Variants in MYLK3 observed in about 807,000 individuals in gnomAD.
The protein encoded by MYLK3 is myosin light chain kinase 3, also known as MLC kinase.
In MYLK3, 55 loss-of-function variants were observed where a neutral mutation model predicts 76.3. The observed-to-expected ratio is 0.72, with a 90% CI of 0.58 to 0.90. The LOEUF (loss-of-function observed/expected upper bound fraction) is 0.90, where lower values mean the gene tolerates loss of function less well. MYLK3 is among the 40% of genes least tolerant of loss of function. The probability of loss-of-function intolerance (pLI) is 0.00; values close to 1 mark genes in which losing one functional copy is unlikely to be tolerated. For missense variants in MYLK3, 973 were observed against 1,053.6 expected (o/e 0.92, Z 1.06); for synonymous variants, 416 against 425.4 (o/e 0.98, Z 0.27).
At chr16:46,740,599 T>C (rs989889011) in intron 1 of MYLK3, among the ~76,000 whole-genome samples, 1 of 147,802 alleles carries the variant, frequency 6.8e-6, no homozygotes, top group African/African-American at 2.5e-5. Context: ...TCATCCAGGC[T>C]GCAGTGCAGT....
At position 46,723,500 on chromosome 16, in the gene MYLK3, G is replaced by T. The variant is rs186263042; in HGVS notation, c.1915-2307C>A. ...CAACTTATGTTTTAATTCTCTTAGG[G>T]GTATAGCTAGGAGTAAAATTGCTGG... On this transcript the variant is annotated intron_variant, in intron 8 of 12. Coordinates refer to ENST00000394809, the MANE Select transcript of MYLK3 (RefSeq NM_182493.3). 1.9e-4 allele frequency among the ~76,000 whole-genome samples: 29 copies of T among 152,194 alleles called. 1 individual carries two copies. Among genetic ancestry groups the T allele is most frequent in the Admixed American group, 1.3e-4 (2 of 15,284 alleles).
At chr16:46,723,482 T>C (rs989686726) in intron 8 of MYLK3, among the ~76,000 whole-genome samples, 1 of 152,244 alleles carries the variant, frequency 6.6e-6, no homozygotes, top group African/African-American at 2.4e-5. Flanking sequence ...TGTCAACTTA[T>C]GTTTTAATTC....
At chr16:46,720,956 G>A (rs953773618) in intron 9 of MYLK3, among the ~76,000 whole-genome samples, 167 bp downstream of exon 9, 1 of 152,144 alleles carries the variant, frequency 6.6e-6, no homozygotes, top group Non-Finnish European at 1.5e-5. Flanking sequence ...CCATGCAAGA[G>A]CAACAAGGCC....
chr16:46,729,249 C>T (rs2143014657), intron 6 of MYLK3, 116 bp from the exon 7 acceptor site: 7 of 794,776 alleles, frequency 8.8e-6, no homozygotes, highest in Middle Eastern at 4.6e-4. Flanking sequence ...CCTATTCTCA[C>T]ACCAGGTCTC....
chr16:46,710,268 C>A (rs931291929), intron 11 of MYLK3, among the ~76,000 whole-genome samples: 2 of 152,190 alleles, frequency 1.3e-5, no homozygotes, highest in African/African-American at 4.8e-5. Flanking sequence ...GATATAGACG[C>A]TGAAGCCTAA....
chr16:46,755,533 T>C (rs954524947), intron 1 of MYLK3, among the ~76,000 whole-genome samples: 11 of 151,588 alleles, frequency 7.3e-5, no homozygotes, highest in African/African-American at 2.7e-4. Flanking sequence ...TCAAGAGTGT[T>C]CAACAGGAAC....
Position 46,732,455 on chromosome 16 carries a change from C to T in MYLK3, c.1215G>A (p.Glu405=), listed in dbSNP as rs1038344115. The change falls in exon 4 of 13, where the codon GAG becomes GAA. Residue 405 remains glutamate, a synonymous_variant. Transcript: ENST00000394809. Reference sequence around the variant, plus strand: ...CCTTCACTCCCCCGGGGCTGCTGCTCTCCTGCAGCGGGGAGAGCTCTCTGG... The same window carrying T: ...CCTTCACTCCCCCGGGGCTGCTGCTTTCCTGCAGCGGGGAGAGCTCTCTGG... ...EGARELSPLQ[E]SSSPGGVKAE... 1 of 1,612,146 alleles carries T rather than the reference C, an allele frequency of 6.2e-7. No individual in the cohort carries two copies. The highest frequency in any genetic ancestry group is 8.5e-7 in the Non-Finnish European group (1 of 1,180,006).
intron 1 of MYLK3, among the ~76,000 whole-genome samples, chr16:46,747,043 C>T (rs1246148110): frequency 6.6e-6 from 1 of 152,182 alleles, no homozygotes; most frequent in African/African-American, 2.4e-5. Context: ...TGCTAAGTGG[C>T]TGACCCCTAG....
At chr16:46,760,238 T>A (rs1967259367) in intron 1 of MYLK3, among the ~76,000 whole-genome samples, 1 of 152,202 alleles carries the variant, frequency 6.6e-6, no homozygotes, top group Non-Finnish European at 1.5e-5. Context: ...GGGGCCTGTG[T>A]TCACTGTGGA....
intron 11 of MYLK3, among the ~76,000 whole-genome samples, chr16:46,709,933 G>A (rs1316713717): frequency 6.6e-6 from 1 of 152,202 alleles, no homozygotes; most frequent in African/African-American, 2.4e-5. Flanking sequence ...CCCAGAGGGG[G>A]CTGAGAAGTT....
At chr16:46,748,400 C>G, upstream of MYLK3, 1 of 932,520 alleles carries the variant, frequency 1.1e-6, no homozygotes, top group Non-Finnish European at 1.5e-6. This position sits in a 1 kb window ranked among gnomAD's most constrained non-coding sequence, Gnocchi z 4.3. Flanking sequence ...ATCTCCCACC[C>G]TACACGGGCC....
chr16:46,727,514 C>A (rs1159985103), intron 7 of MYLK3, 137 bp from the exon 8 acceptor site: 4 of 952,444 alleles, frequency 4.2e-6, no homozygotes, highest in Non-Finnish European at 6.0e-6. Context: ...GCTGCTGCCA[C>A]TGCCCTTGGG....
upstream of MYLK3, among the ~76,000 whole-genome samples, chr16:46,748,511 A>G (rs1967070630): frequency 1.3e-5 from 2 of 152,198 alleles, no homozygotes; most frequent in African/African-American, 4.8e-5. This position sits in a 1 kb window ranked among gnomAD's most constrained non-coding sequence, Gnocchi z 4.3. Flanking sequence ...GCTGATGGGC[A>G]AATATGTTAA....
intron 10 of MYLK3, among the ~76,000 whole-genome samples, chr16:46,711,319 C>A (rs1056227215): frequency 6.6e-6 from 1 of 152,112 alleles, no homozygotes; most frequent in East Asian, 1.9e-4. Flanking sequence ...AGGGACAGTG[C>A]GCAGCAGTTA....
At position 46,712,883 on chromosome 16, in the gene MYLK3, A is replaced by G; in HGVS notation, c.1986-107T>C. ...AGACATTCCCCACTTCCCATCAGCCATATGGCCTGGACTCCACACCCACAT... is the reference window on the plus strand; with the variant it reads ...AGACATTCCCCACTTCCCATCAGCCGTATGGCCTGGACTCCACACCCACAT... On this transcript the variant is annotated intron_variant, in intron 9 of 12. Coordinates refer to ENST00000394809, the MANE Select transcript of MYLK3 (RefSeq NM_182493.3). 3.4e-6 allele frequency: 4 copies of G among 1,192,650 alleles called. No homozygotes were observed. In the South Asian group the frequency reaches 7.6e-5, roughly 23 times the overall value. The allele number at this position is 1,192,650 out of a possible 1,614,324, so 73.9% of individuals were successfully genotyped here.
intron 6 of MYLK3, 21 bp from the exon 7 acceptor site, chr16:46,729,154 G>A (rs932546617): frequency 1.9e-6 from 3 of 1,592,628 alleles, no homozygotes; most frequent in Admixed American, 1.7e-5. Flanking sequence ...CCAGAGGACA[G>A]AAGGATTTCC....
At chr16:46,742,054 T>C (rs1966940158) in intron 1 of MYLK3, among the ~76,000 whole-genome samples, 1 of 152,188 alleles carries the variant, frequency 6.6e-6, no homozygotes. Context: ...AGGATCCATT[T>C]TGGGGTGACA....
chr16:46,706,197 C>G lies in MYLK3; in HGVS notation c.*1507G>C, dbSNP rs1387757552. On this transcript the variant is annotated 3_prime_UTR_variant, in exon 13 of 13. Transcript: ENST00000394809. ...AATAGCCTAATGTTGACTGGAAGCC[C>G]TATCAATAATATAAACAGTCAGTTA... 2 of 151,754 alleles carry G rather than the reference C, an allele frequency of 1.3e-5. No individual in the cohort carries two copies. Among genetic ancestry groups the G allele is most frequent in the African/African-American group, 4.8e-5 (2 of 41,256 alleles). 9.4% of individuals were successfully genotyped at this position (151,754 alleles called of 1,614,324 possible).
At chr16:46,737,674 T>A (rs368050396) in intron 3 of MYLK3, 37 bp downstream of exon 3, 1 of 1,554,334 alleles carries the variant, frequency 6.4e-7, no homozygotes, top group African/African-American at 1.4e-5. Flanking sequence ...CCACAGTCCA[T>A]CCCCTCCCTC....
Sources: allele counts gnomAD v4.1 joint callset (sites outside exome capture counted in the v4.1 genomes callset), GRCh38; gene constraint gnomAD v4.1.1; non-coding constraint Gnocchi (gnomAD v3.1); transcripts MANE v1.5; gene names NCBI Gene and HGNC (gene_info 2026-07-23, HGNC 2026-07-21).